Variants in PRRX2 observed in about 807,000 individuals in gnomAD.
The protein encoded by PRRX2 is paired mesoderm homeobox protein 2.
PRRX2 carries 11 observed loss-of-function variants against 18.0 expected under a neutral mutation model. The ratio of observed to expected loss-of-function variants is 0.61; its 90% CI spans 0.39 to 1.01. PRRX2 has a LOEUF of 1.01. PRRX2 is among the 50% of genes least tolerant of loss of function. PRRX2 has a pLI of 0.01. For missense variants in PRRX2, 387 were observed against 351.0 expected, an observed-to-expected ratio of 1.10 and a Z score of -0.82; for synonymous variants, 177 against 154.8, an observed-to-expected ratio of 1.14 and a Z score of -1.06.
chr9:129,692,807 G>T (rs1186638009), intron 1 of PRRX2, among the ~76,000 whole-genome samples: 1 of 152,172 alleles, frequency 6.6e-6, no homozygotes, highest in Non-Finnish European at 1.5e-5. Flanking sequence ...ACTGGAGGAC[G>T]TGTTAGTTGC....
At chr9:129,710,751 AAGTC>A (rs1386665006) in intron 1 of PRRX2, among the ~76,000 whole-genome samples, 1 of 151,942 alleles carries the variant, frequency 6.6e-6, no homozygotes, top group Non-Finnish European at 1.5e-5. Flanking sequence ...AACAAAACGA[AAGTC>A]AGCTCTTGGG....
chr9:129,686,414 A>G (rs1297754821), intron 1 of PRRX2, among the ~76,000 whole-genome samples: 1 of 152,142 alleles, frequency 6.6e-6, no homozygotes, highest in South Asian at 2.1e-4. Flanking sequence ...TGGTGCGATC[A>G]CAGCTCACTG....
Position 129,665,705 on chromosome 9 carries a change from T to G in PRRX2, c.-163T>G. ...GGCTGAGAAGGGGAGGGCGGAAAGT[T>G]TGTTTCCCCGACGTCAGCGCCGGGC... On this transcript the variant is annotated 5_prime_UTR_variant, in exon 1 of 4. Transcript: ENST00000372469. This position sits in a 1 kb window ranked among gnomAD's most constrained non-coding sequence, Gnocchi z 5.3. 1 of 402,474 alleles carries G rather than the reference T, an allele frequency of 2.5e-6. No homozygotes were observed. Among genetic ancestry groups the G allele is most frequent in the Non-Finnish European group, 3.4e-6 (1 of 294,726 alleles). The allele number at this position is 402,474 out of a possible 1,614,324, so 24.9% of individuals were successfully genotyped here. A position where few individuals can be genotyped will look rare whatever the true frequency, so the allele number is the denominator to read the frequency against.
At chr9:129,689,077 G>A (rs956724622) in intron 1 of PRRX2, among the ~76,000 whole-genome samples, 2 of 152,130 alleles carry the variant, frequency 1.3e-5, no homozygotes, top group African/African-American at 4.8e-5. Context: ...AGGGGTGCTG[G>A]TTTGGCTTCA....
chr9:129,683,490 C>CTTT (rs1288386017), intron 1 of PRRX2, among the ~76,000 whole-genome samples: 1 of 152,104 alleles, frequency 6.6e-6, no homozygotes, highest in Non-Finnish European at 1.5e-5. Context: ...AATCCCAGCA[C>CTTT]TTTGGGAGGC....
intron 1 of PRRX2, among the ~76,000 whole-genome samples, chr9:129,667,426 C>G (rs763479094): frequency 6.6e-6 from 1 of 152,218 alleles, no homozygotes; most frequent in Non-Finnish European, 1.5e-5. Flanking sequence ...GGCTCTGAGC[C>G]GGTCCCCCAA....
At chr9:129,705,757 G>C (rs13296372) in intron 1 of PRRX2, among the ~76,000 whole-genome samples, 151,961 of 152,208 alleles carry the variant, frequency 1, 75,857 homozygotes, top group Middle Eastern at 1. Flanking sequence ...GCTGTGACCC[G>C]GCCGCATGGG....
chr9:129,697,528 C>G (rs1031132226), intron 1 of PRRX2, among the ~76,000 whole-genome samples: 6 of 151,138 alleles, frequency 4.0e-5, no homozygotes, highest in Non-Finnish European at 8.9e-5. Flanking sequence ...GCCACCAGCG[C>G]GGCGCGCTCG....
chr9:129,696,750 A>G (rs1832428641), intron 1 of PRRX2, among the ~76,000 whole-genome samples: 1 of 152,166 alleles, frequency 6.6e-6, no homozygotes, highest in Non-Finnish European at 1.5e-5. Context: ...CACTTTCCCC[A>G]GATGCTTGGG....
At chr9:129,702,920 C>T (rs1206666279) in intron 1 of PRRX2, among the ~76,000 whole-genome samples, 3 of 152,222 alleles carry the variant, frequency 2.0e-5, no homozygotes, top group South Asian at 2.1e-4. Flanking sequence ...AACAGCTGCC[C>T]TCAGAGGCTA....
intron 1 of PRRX2, among the ~76,000 whole-genome samples, chr9:129,687,159 G>A (rs1338103992): frequency 2.0e-5 from 3 of 152,154 alleles, no homozygotes. Context: ...AGGCCTAGGT[G>A]GGAGGATCAC....
intron 1 of PRRX2, among the ~76,000 whole-genome samples, chr9:129,696,013 T>G (rs1467965272): frequency 6.6e-6 from 1 of 151,992 alleles, no homozygotes; most frequent in Admixed American, 6.6e-5. Flanking sequence ...AGCCAACAAA[T>G]TACTTGGAAT....
chr9:129,689,395 T>C (rs1235496142), intron 1 of PRRX2, among the ~76,000 whole-genome samples: 1 of 152,188 alleles, frequency 6.6e-6, no homozygotes, highest in Non-Finnish European at 1.5e-5. Flanking sequence ...CTTGAAGGAA[T>C]TGCTCCACGC....
intron 1 of PRRX2, among the ~76,000 whole-genome samples, chr9:129,690,493 C>T (rs543872520): frequency 8.7e-5 from 13 of 148,856 alleles, no homozygotes; most frequent in East Asian, 6.0e-4. Context: ...ACCATAAGTA[C>T]GGTGCCAGCT....
At chr9:129,682,332 ATG>A (rs1334356859) in intron 1 of PRRX2, among the ~76,000 whole-genome samples, 1 of 40,374 alleles carries the variant, frequency 2.5e-5, no homozygotes, top group Non-Finnish European at 5.2e-5. Context: ...TGTGCGCACT[ATG>A]TTACTATTAC....
At chr9:129,669,188 C>T (rs1298922064) in intron 1 of PRRX2, among the ~76,000 whole-genome samples, 3 of 150,666 alleles carry the variant, frequency 2.0e-5, no homozygotes, top group Admixed American at 6.6e-5. Context: ...TTTGTTTGCA[C>T]AAAGCCACCA....
rs914828280 is a variant in PRRX2 at position 129,695,217 on chromosome 9, T to C, written c.260-24014T>C. 1.3e-5 allele frequency among the ~76,000 whole-genome samples: 2 copies of C among 152,168 alleles called. No individual in the cohort carries two copies. On this transcript the variant is annotated intron_variant, in intron 1 of 3. Coordinates refer to ENST00000372469, the MANE Select transcript of PRRX2 (RefSeq NM_016307.4). The surrounding 1 kb of genome is among the most constrained non-coding windows in gnomAD (Gnocchi z 4.8). ...CCTTCTCCACCCCACAGTCCGTGAG[T>C]GTGGATAGGTGGCCCGTAATCAACA...
rs988169193 is a variant in PRRX2 at position 129,719,356 on chromosome 9, C to T, written c.385C>T (p.Pro129Ser). 1.3e-6 allele frequency: 2 copies of T among 1,581,894 alleles called. No homozygotes were observed. Among genetic ancestry groups the T allele is most frequent in the Non-Finnish European group, 1.7e-6 (2 of 1,164,860 alleles). The change falls in exon 2 of 4, where the codon CCC becomes TCC. Residue 129 changes from proline to serine, a missense_variant. Pro to Ser is a moderately conservative substitution (Grantham distance 74, BLOSUM62 -1). Transcript: ENST00000372469. ...GCGCGTGTTCGAGCGCACGCACTAC[C>T]CCGACGCCTTTGTGCGCGAGGAGCT... is the stretch of plus-strand genomic sequence containing the variant. ...LERVFERTHY[P>S]DAFVREELAR...
intron 1 of PRRX2, among the ~76,000 whole-genome samples, chr9:129,686,428 T>G (rs917743099): frequency 2.6e-5 from 4 of 152,116 alleles, no homozygotes; most frequent in Non-Finnish European, 5.9e-5. Flanking sequence ...CTCACTGCAG[T>G]CTCCATGTCC....
Sources: allele counts gnomAD v4.1 joint callset (sites outside exome capture counted in the v4.1 genomes callset), GRCh38; gene constraint gnomAD v4.1.1; non-coding constraint Gnocchi (gnomAD v3.1); transcripts MANE v1.5; gene names NCBI Gene and HGNC (gene_info 2026-07-23, HGNC 2026-07-21).